Variants in LTBP1 observed in about 807,000 individuals in gnomAD.
LTBP1 encodes the protein latent-transforming growth factor beta-binding protein 1.
In LTBP1, 129 loss-of-function variants were observed where a neutral mutation model predicts 207.6. The observed-to-expected ratio is 0.62, with a 90% CI of 0.54 to 0.72. The LOEUF (loss-of-function observed/expected upper bound fraction) is 0.72. Ranked by LOEUF, LTBP1 falls within the 30% of genes least tolerant of loss-of-function variation. The pLI, the probability that LTBP1 is intolerant of heterozygous loss-of-function variation, is 0.00. For synonymous variants in LTBP1, 963 were observed against 833.7 expected (o/e 1.16, Z -2.67); for missense variants, 2,281 against 2,217.2 (o/e 1.03, Z -0.58).
At chr2:33,323,135 A>G (rs2094380125) in intron 24 of LTBP1, among the ~76,000 whole-genome samples, 1 of 152,220 alleles carries the variant, frequency 6.6e-6, no homozygotes, top group Non-Finnish European at 1.5e-5. Context: ...AGCTTAGCCT[A>G]GCCTGCTTCT....
chr2:33,326,840 T>C (rs1445162451), intron 24 of LTBP1, among the ~76,000 whole-genome samples: 1 of 151,820 alleles, frequency 6.6e-6, no homozygotes, highest in East Asian at 1.9e-4. Context: ...TGTATTTTCT[T>C]AGTAGGGAAG....
At chr2:33,059,544 A>C (rs2077167107) in intron 3 of LTBP1, among the ~76,000 whole-genome samples, 2 of 152,230 alleles carry the variant, frequency 1.3e-5, no homozygotes, top group South Asian at 4.1e-4. Flanking sequence ...GAACCTCTAT[A>C]GGATTAAAAC....
chr2:33,135,970 G>C (rs1185731999), intron 5 of LTBP1, among the ~76,000 whole-genome samples: 3 of 152,180 alleles, frequency 2.0e-5, no homozygotes, highest in Non-Finnish European at 2.9e-5. Flanking sequence ...GTGTGTCTGG[G>C]GGGGTGGTAG....
chr2:33,074,892 A>G (rs1489910519), intron 3 of LTBP1, among the ~76,000 whole-genome samples: 1 of 141,370 alleles, frequency 7.1e-6, no homozygotes, highest in Non-Finnish European at 1.5e-5. Flanking sequence ...AAAAAAAAAA[A>G]AAAAGCACGT....
intron 29 of LTBP1, among the ~76,000 whole-genome samples, chr2:33,363,732 G>A (rs1206066551): frequency 6.6e-6 from 1 of 152,158 alleles, no homozygotes; most frequent in African/African-American, 2.4e-5. Context: ...CAAACAAAGA[G>A]TTAATATTCA....
At chr2:33,212,376 A>T (rs1006972720) in intron 7 of LTBP1, among the ~76,000 whole-genome samples, 2 of 152,210 alleles carry the variant, frequency 1.3e-5, no homozygotes, top group African/African-American at 4.8e-5. Flanking sequence ...AGGAGATAAG[A>T]CAAAAGGAGG....
At chr2:33,197,846 C>G (rs942616637) in intron 7 of LTBP1, among the ~76,000 whole-genome samples, 1 of 152,136 alleles carries the variant, frequency 6.6e-6, no homozygotes, top group Non-Finnish European at 1.5e-5. Flanking sequence ...ACCCAGGAAC[C>G]TGCCTCGTAA....
chr2:33,380,897 G>T (rs1474554463), intron 31 of LTBP1, among the ~76,000 whole-genome samples: 2 of 151,920 alleles, frequency 1.3e-5, no homozygotes, highest in Non-Finnish European at 2.9e-5. Flanking sequence ...GGTTAATGAA[G>T]AAAAAAAGTT....
intron 24 of LTBP1, among the ~76,000 whole-genome samples, chr2:33,341,579 C>T (rs1481198999): frequency 1.3e-5 from 2 of 151,182 alleles, no homozygotes; most frequent in Non-Finnish European, 3.0e-5. Context: ...GGCGTGGTGG[C>T]GAGTGCCTGT....
rs746357069 is a variant in LTBP1 at position 33,222,036 on chromosome 2, T to C, written c.1805-44T>C. The stretch of plus-strand genomic sequence containing the variant: ...AGATATCACTTACACTAGTCTAAGA[T>C]TGTAAGAATTTAAGTATGTAACAAA... On this transcript the variant is annotated intron_variant, in intron 8 of 33. Coordinates refer to ENST00000404816, the MANE Select transcript of LTBP1 (RefSeq NM_206943.4). 24 of 1,402,190 alleles carry C rather than the reference T, an allele frequency of 1.7e-5. No homozygotes were observed. The South Asian group carries it at 2.5e-4, about 15-fold the overall frequency. The allele number at this position is 1,402,190 out of a possible 1,614,324, so 86.9% of individuals were successfully genotyped here.
At chr2:33,219,758 G>C (rs1236876961) in intron 8 of LTBP1, among the ~76,000 whole-genome samples, 3 of 151,814 alleles carry the variant, frequency 2.0e-5, no homozygotes, top group Non-Finnish European at 4.4e-5. Flanking sequence ...CCCCTTCTTT[G>C]TGTATCTTTT....
chr2:33,099,626 C>T (rs1035750295), intron 3 of LTBP1, among the ~76,000 whole-genome samples: 1 of 152,162 alleles, frequency 6.6e-6, no homozygotes, highest in Non-Finnish European at 1.5e-5. Flanking sequence ...AGTTAGGGCT[C>T]TCAGAGATTC....
intron 26 of LTBP1, among the ~76,000 whole-genome samples, chr2:33,352,554 C>T (rs551256475): frequency 4.9e-4 from 75 of 152,298 alleles, no homozygotes; most frequent in African/African-American, 1.6e-3. Flanking sequence ...CCAGGGTGTC[C>T]TTCAAATCTC....
At chr2:33,075,525 T>C (rs1191318247) in intron 3 of LTBP1, among the ~76,000 whole-genome samples, 6 of 152,244 alleles carry the variant, frequency 3.9e-5, no homozygotes, top group African/African-American at 1.4e-4. Context: ...GAAATTGATA[T>C]TATTCAGCTA....
At chr2:33,033,515 A>G (rs530143880) in intron 3 of LTBP1, among the ~76,000 whole-genome samples, 1 of 152,310 alleles carries the variant, frequency 6.6e-6, no homozygotes, top group South Asian at 2.1e-4. Flanking sequence ...CAAGCGGGAA[A>G]GAGATCAGAA....
At position 33,146,126 on chromosome 2, in the gene LTBP1, A is replaced by G. The variant is rs923464498; in HGVS notation, c.1201+11166A>G. 5.3e-5 allele frequency among the ~76,000 whole-genome samples: 8 copies of G among 152,206 alleles called. No homozygotes were observed. In the East Asian group the frequency reaches 1.3e-3, roughly 26 times the overall value. On this transcript the variant is annotated intron_variant, in intron 5 of 33. Coordinates refer to ENST00000404816, the MANE Select transcript of LTBP1 (RefSeq NM_206943.4). ...TCCAATTTACGTAATAGTCTATCCTAAAAATCGGGTTGGGATGTAGGAGTT... is the reference window on the plus strand; with the variant it reads ...TCCAATTTACGTAATAGTCTATCCTGAAAATCGGGTTGGGATGTAGGAGTT...
At chr2:33,281,912 G>A (rs1040962956) in intron 19 of LTBP1, among the ~76,000 whole-genome samples, 8 of 151,872 alleles carry the variant, frequency 5.3e-5, no homozygotes, top group East Asian at 1.9e-4. Flanking sequence ...GAGCAGAGCC[G>A]GAACTCTACC....
chr2:33,248,068 T>G (rs544028705), intron 10 of LTBP1, among the ~76,000 whole-genome samples: 360 of 152,364 alleles, frequency 2.4e-3, no homozygotes, highest in Non-Finnish European at 4.1e-3. Context: ...ACCTTCTCTG[T>G]GGCCATCTCA....
chr2:33,079,641 C>A (rs2078282873), intron 3 of LTBP1, among the ~76,000 whole-genome samples: 1 of 152,070 alleles, frequency 6.6e-6, no homozygotes, highest in Non-Finnish European at 1.5e-5. Flanking sequence ...TTCTAAATAA[C>A]CAGTTGCACC....
Sources: gnomAD v4.1 joint callset for allele counts (sites outside exome capture counted in the v4.1 genomes callset) on GRCh38, gnomAD v4.1.1 for gene constraint, MANE v1.5 for transcripts, NCBI Gene and HGNC (gene_info 2026-07-23, HGNC 2026-07-21) for gene names.